Variants in DTNA observed in about 807,000 individuals in gnomAD.
DTNA encodes the protein dystrobrevin alpha, also known as dystrophin-related protein 3.
A neutral mutation model predicts 100.7 loss-of-function variants in DTNA; 43 were observed. The ratio of observed to expected loss-of-function variants is 0.43; its 90% CI spans 0.33 to 0.55. The LOEUF (loss-of-function observed/expected upper bound fraction) is 0.55. DTNA is among the 20% of genes least tolerant of loss of function. The pLI, the probability that DTNA is intolerant of heterozygous loss-of-function variation, is 0.04. For synonymous variants in DTNA, 349 were observed against 347.9 expected (o/e 1.00, Z -0.04); for missense variants, 798 against 953.9 (o/e 0.84, Z 2.15).
chr18:34,589,755 G>C (rs1185913188), intron 1 of DTNA, among the ~76,000 whole-genome samples: 3 of 152,000 alleles, frequency 2.0e-5, no homozygotes, highest in African/African-American at 7.2e-5. Context: ...TGTACCTTTT[G>C]ATCTATATCT....
chr18:34,799,382 A>G (rs1240802910), intron 4 of DTNA, among the ~76,000 whole-genome samples: 2 of 152,224 alleles, frequency 1.3e-5, no homozygotes, highest in Non-Finnish European at 2.9e-5. Flanking sequence ...TTTCGAATTT[A>G]AAAAATGATT....
intron 1 of DTNA, among the ~76,000 whole-genome samples, chr18:34,520,933 A>G (rs1418418978): frequency 6.6e-6 from 1 of 152,122 alleles, no homozygotes; most frequent in Non-Finnish European, 1.5e-5. Context: ...TCCTAAAGTA[A>G]CATCTTAGAG....
chr18:34,675,737 A>G (rs545768139), intron 1 of DTNA, among the ~76,000 whole-genome samples: 1 of 152,320 alleles, frequency 6.6e-6, no homozygotes, highest in East Asian at 1.9e-4. Context: ...AAAAATCCAA[A>G]CTTCTTAGAT....
chr18:34,860,579 T>A (rs571896331), intron 16 of DTNA, among the ~76,000 whole-genome samples: 1 of 152,344 alleles, frequency 6.6e-6, no homozygotes, highest in African/African-American at 2.4e-5. Flanking sequence ...TGCATGGATG[T>A]TTCCGGAGGC....
chr18:34,824,264 A>G (rs1370318816), intron 9 of DTNA, among the ~76,000 whole-genome samples: 14 of 152,242 alleles, frequency 9.2e-5, no homozygotes, highest in Admixed American at 3.3e-4. Flanking sequence ...TCACGAGGTC[A>G]GGAGATCGAG....
intron 5 of DTNA, among the ~76,000 whole-genome samples, chr18:34,806,617 A>G (rs1372410597): frequency 6.6e-6 from 1 of 152,162 alleles, no homozygotes; most frequent in African/African-American, 2.4e-5. Flanking sequence ...GTGGTACAGG[A>G]TGATAGGCAC....
intron 1 of DTNA, among the ~76,000 whole-genome samples, chr18:34,749,596 A>G (rs2148016465): frequency 6.6e-6 from 1 of 151,790 alleles, no homozygotes; most frequent in Non-Finnish European, 1.5e-5. Context: ...TAACCCATCT[A>G]GCTGGTCGCT....
At chr18:34,873,199 A>T (rs1297395534) in intron 17 of DTNA, among the ~76,000 whole-genome samples, 2 of 152,198 alleles carry the variant, frequency 1.3e-5, no homozygotes, top group African/African-American at 4.8e-5. Context: ...ACAAAAGTGG[A>T]GTTATATTAT....
chr18:34,714,419 CA>C (rs2083523465), intron 1 of DTNA, among the ~76,000 whole-genome samples: 1 of 148,760 alleles, frequency 6.7e-6, no homozygotes, highest in Non-Finnish European at 1.5e-5. Context: ...AAAAAGTGGG[CA>C]AAGGACATGA....
intron 15 of DTNA, among the ~76,000 whole-genome samples, chr18:34,857,426 C>A (rs751134843): frequency 1.3e-5 from 2 of 152,174 alleles, no homozygotes; most frequent in Non-Finnish European, 2.9e-5. Context: ...CTGACACCCC[C>A]AGCTCCCAAG....
chr18:34,766,563 A>G (rs2093483133), intron 3 of DTNA, among the ~76,000 whole-genome samples: 1 of 152,088 alleles, frequency 6.6e-6, no homozygotes, highest in African/African-American at 2.4e-5. Flanking sequence ...TAGGAGATAT[A>G]CCTAATGTAA....
intron 1 of DTNA, among the ~76,000 whole-genome samples, chr18:34,604,081 T>A (rs1474135878): frequency 6.6e-6 from 1 of 152,172 alleles, no homozygotes; most frequent in African/African-American, 2.4e-5. Flanking sequence ...ATGAAGCAAT[T>A]GTTCCGTGAA....
intron 1 of DTNA, among the ~76,000 whole-genome samples, chr18:34,548,298 G>C (rs1312739552): frequency 6.6e-6 from 1 of 152,098 alleles, no homozygotes; most frequent in Non-Finnish European, 1.5e-5. Context: ...AATTCACACA[G>C]GTTAGAGGTG....
chr18:34,829,084 ACTT>A, intron 10 of DTNA: 5 of 1,614,080 alleles, frequency 3.1e-6, no homozygotes, highest in Non-Finnish European at 4.2e-6. Flanking sequence ...GGATAACATG[ACTT>A]CTTCTACCCT....
In DTNA at chr18:34,517,605, TCTCCATCC is replaced by T. The variant is rs200444059; in HGVS notation, c.-2+24102_-2+24109del. Among the ~76,000 whole-genome samples the T allele has an allele frequency of 2.2e-3, 331 of 152,046 alleles. 6 individuals carry two copies. The highest frequency in any genetic ancestry group is 0.015 in the East Asian group (78 of 5,174). On this transcript the variant is annotated intron_variant, in intron 1 of 19. Transcript: ENST00000283365. The stretch of plus-strand genomic sequence containing the variant: ...ATATCCATGCTCATTTCTCTTCCCC[TCTCCATCC>T]CTCCATCCCTAACCTCTGACAACCT...
At chr18:34,602,521 G>T (rs1027992700) in intron 1 of DTNA, among the ~76,000 whole-genome samples, 1 of 151,662 alleles carries the variant, frequency 6.6e-6, no homozygotes, top group Non-Finnish European at 1.5e-5. Context: ...TAGATACATA[G>T]ATAGATAGAG....
chr18:34,659,733 C>T (rs2074919865), intron 1 of DTNA, among the ~76,000 whole-genome samples: 1 of 152,158 alleles, frequency 6.6e-6, no homozygotes, highest in African/African-American at 2.4e-5. Flanking sequence ...TACTTCCTCT[C>T]ACCAGCCCTT....
At chr18:34,545,565 A>T (rs2044692063) in intron 1 of DTNA, among the ~76,000 whole-genome samples, 1 of 152,108 alleles carries the variant, frequency 6.6e-6, no homozygotes, top group Non-Finnish European at 1.5e-5. Flanking sequence ...ATTTATTTTC[A>T]TGGTAGCATG....
intron 1 of DTNA, among the ~76,000 whole-genome samples, chr18:34,518,704 CGTGTGTGTGTGTGTGTGTGTGTGT>C (rs57035462): frequency 1.6e-5 from 2 of 121,536 alleles, no homozygotes; most frequent in African/African-American, 6.1e-5. Context: ...ATTTGGCAAA[CGTGTGTGTGTGTGTGTGTGTGTGT>C]GTGTGTGTGT....
Sources: allele counts gnomAD v4.1 joint callset (sites outside exome capture counted in the v4.1 genomes callset), GRCh38; gene constraint gnomAD v4.1.1; transcripts MANE v1.5; gene names NCBI Gene and HGNC (gene_info 2026-07-23, HGNC 2026-07-21).